The following UGGT2 variants were observed in gnomAD, a reference collection of about 807,000 sequenced individuals.
UGGT2 encodes the protein UDP-glucose:glycoprotein glucosyltransferase 2.
UGGT2 carries 180 observed loss-of-function variants against 192.1 expected under a neutral mutation model. The ratio of observed to expected loss-of-function variants is 0.94; its 90% confidence interval spans 0.83 to 1.06. The LOEUF is 1.06. Ranked by LOEUF, UGGT2 falls within the 50% of genes least tolerant of loss-of-function variation. UGGT2 has a pLI of 0.00. For synonymous variants in UGGT2, 580 were observed against 591.0 expected (o/e 0.98, Z 0.27); for missense variants, 1,849 against 1,795.7 (o/e 1.03, Z -0.54).
intron 1 of UGGT2, among the ~76,000 whole-genome samples, chr13:96,042,836 G>C (rs930717065): frequency 6.6e-5 from 10 of 151,940 alleles, no homozygotes; most frequent in Admixed American, 1.3e-4. Context: ...AATAAAATAT[G>C]AACAAAGCCT....
intron 4 of UGGT2, among the ~76,000 whole-genome samples, chr13:96,020,885 T>C (rs1339643889): frequency 1.3e-5 from 2 of 152,202 alleles, no homozygotes; most frequent in African/African-American, 4.8e-5. Context: ...TTATGGATTC[T>C]GATAGAAGAC....
At chr13:95,992,374 T>C (rs1420794312) in intron 7 of UGGT2, among the ~76,000 whole-genome samples, 4 of 152,210 alleles carry the variant, frequency 2.6e-5, no homozygotes, top group East Asian at 1.9e-4. Flanking sequence ...CTTTCAGCAG[T>C]GTTTTGTAGT....
intron 12 of UGGT2, among the ~76,000 whole-genome samples, chr13:95,967,979 A>G (rs1288558394): frequency 6.6e-6 from 1 of 152,150 alleles, no homozygotes; most frequent in East Asian, 1.9e-4. Flanking sequence ...CCATTTTATT[A>G]AAGCCTTTTA....
chr13:95,957,565 TGA>T (rs1325744948), intron 12 of UGGT2, among the ~76,000 whole-genome samples: 2 of 152,200 alleles, frequency 1.3e-5, no homozygotes, highest in African/African-American at 4.8e-5. Context: ...TGCCAGAATC[TGA>T]GAGACAACTC....
At position 95,881,662 on chromosome 13, in the gene UGGT2, C is replaced by T. The variant is rs182629888; in HGVS notation, c.3228+2829G>A. Reference sequence around the variant, plus strand: ...ATTAATGCATTTTTCTGTGAATTCACTTTAACAGAGCCACATCCTATTCCT... The same window carrying T: ...ATTAATGCATTTTTCTGTGAATTCATTTTAACAGAGCCACATCCTATTCCT... On this transcript the variant is annotated intron_variant, in intron 27 of 38. Transcript: ENST00000376747. 3.9e-5 allele frequency among the ~76,000 whole-genome samples: 6 copies of T among 152,268 alleles called. No individual in the cohort carries two copies. In the East Asian group the frequency reaches 1.2e-3, roughly 29 times the overall value.
chr13:95,923,196 C>T (rs991177829), intron 20 of UGGT2, among the ~76,000 whole-genome samples: 1 of 151,972 alleles, frequency 6.6e-6, no homozygotes, highest in Non-Finnish European at 1.5e-5. Context: ...GGACTACAGG[C>T]GTGCATCACC....
chr13:95,866,574 T>C (rs1179051067), intron 30 of UGGT2, among the ~76,000 whole-genome samples: 1 of 152,194 alleles, frequency 6.6e-6, no homozygotes, highest in Non-Finnish European at 1.5e-5. Flanking sequence ...AAATTTGGGC[T>C]AAAAGACTAT....
At chr13:95,878,568 T>G (rs1392772189) in intron 27 of UGGT2, among the ~76,000 whole-genome samples, 1 of 152,206 alleles carries the variant, frequency 6.6e-6, no homozygotes, top group Non-Finnish European at 1.5e-5. Flanking sequence ...TTATAATAAA[T>G]ATTTTCAAGA....
intron 38 of UGGT2, among the ~76,000 whole-genome samples, chr13:95,811,193 C>G (rs1884562905): frequency 6.6e-6 from 1 of 152,150 alleles, no homozygotes; most frequent in Non-Finnish European, 1.5e-5. Flanking sequence ...AACAGTCTGA[C>G]AGTTCCTCAA....
chr13:95,903,653 A>G (rs2048179623), intron 20 of UGGT2, among the ~76,000 whole-genome samples: 1 of 152,198 alleles, frequency 6.6e-6, no homozygotes, highest in African/African-American at 2.4e-5. Flanking sequence ...CTGTAGCTGT[A>G]GTCAATTTTT....
intron 2 of UGGT2, among the ~76,000 whole-genome samples, chr13:96,025,257 G>A (rs561877793): frequency 6.6e-6 from 1 of 152,238 alleles, no homozygotes; most frequent in Admixed American, 6.5e-5. Context: ...GTGGATTTCT[G>A]GAGAATAAAA....
chr13:95,826,953 C>T (rs1342215148), intron 38 of UGGT2, among the ~76,000 whole-genome samples: 1 of 151,824 alleles, frequency 6.6e-6, no homozygotes, highest in African/African-American at 2.4e-5. Context: ...TAATATAAGT[C>T]CTTAATAATT....
At chr13:95,991,523 T>G (rs148240203) in intron 7 of UGGT2, 188 of 446,704 alleles carry the variant, frequency 4.2e-4, no homozygotes, top group African/African-American at 3.6e-3. Flanking sequence ...TATGGTAATC[T>G]TATAGTTACG....
At chr13:95,908,983 T>C (rs1235151710) in intron 20 of UGGT2, among the ~76,000 whole-genome samples, 3 of 148,024 alleles carry the variant, frequency 2.0e-5, no homozygotes, top group African/African-American at 7.6e-5. Flanking sequence ...TGGCTTTTGT[T>C]GCCATTGCTT....
At chr13:96,001,775 C>T (rs772290788) in intron 5 of UGGT2, among the ~76,000 whole-genome samples, 1 of 152,104 alleles carries the variant, frequency 6.6e-6, no homozygotes, top group African/African-American at 2.4e-5. Flanking sequence ...AGATTTTCTC[C>T]CACCTTGCCA....
chr13:96,004,259 G>A (rs1054024921), intron 5 of UGGT2, among the ~76,000 whole-genome samples: 2 of 151,820 alleles, frequency 1.3e-5, no homozygotes, highest in African/African-American at 4.8e-5. Flanking sequence ...TATTTATGGG[G>A]TATATGTTAT....
chr13:95,827,927 A>G (rs916920637), intron 38 of UGGT2, among the ~76,000 whole-genome samples: 3 of 152,166 alleles, frequency 2.0e-5, no homozygotes, highest in African/African-American at 7.2e-5. Context: ...CAAAGTAACC[A>G]ATTCAGCATG....
intron 20 of UGGT2, among the ~76,000 whole-genome samples, chr13:95,912,310 G>A (rs2048527786): frequency 6.6e-6 from 1 of 152,206 alleles, no homozygotes. Context: ...CCTGTTTGCA[G>A]ATGACATGAT....
At position 96,013,384 on chromosome 13, in the gene UGGT2, A is replaced by T; in HGVS notation, c.583T>A (p.Phe195Ile). 8 of 1,606,918 alleles carry T rather than the reference A, an allele frequency of 5.0e-6. No homozygotes were observed. The highest frequency in any genetic ancestry group is 6.8e-6 in the Non-Finnish European group (8 of 1,178,350). Residue 195 changes from phenylalanine to isoleucine, a missense_variant, in exon 5 of 39, where the codon TTT becomes ATT. Phe to Ile is a conservative substitution (Grantham distance 21, BLOSUM62 0). Transcript: ENST00000376747. ...ILYAEMGTRT[F>I]SAFHKVLSEK... is the part of the protein sequence containing the mutation. ...GACAATACTTTGTGAAATGCACTAA[A>T]TGTTCTAGTACCCATTTCGGCATAG...
Sources: gnomAD v4.1 joint callset for allele counts (sites outside exome capture counted in the v4.1 genomes callset) on GRCh38, gnomAD v4.1.1 for gene constraint, MANE v1.5 for transcripts, NCBI Gene and HGNC (gene_info 2026-07-23, HGNC 2026-07-21) for gene names.